Variants in ADGRL3 observed in about 807,000 individuals in gnomAD.
ADGRL3 encodes calcium-independent alpha-latrotoxin receptor 3.
ADGRL3 carries 62 observed loss-of-function variants against 153.5 expected under a neutral mutation model. That is an observed-to-expected ratio of 0.40 (90% CI 0.33 to 0.50). The LOEUF (loss-of-function observed/expected upper bound fraction) is 0.50. Among genes scored for constraint, ADGRL3 ranks in the 20% least tolerant of loss-of-function variants. The pLI is 0.47. For synonymous variants in ADGRL3, 710 were observed against 672.5 expected, an observed-to-expected ratio of 1.06 and a Z score of -0.86; for missense variants, 1,641 against 1,859.4, an observed-to-expected ratio of 0.88 and a Z score of 2.16.
At chr4:61,832,172 G>A (rs2097879197) in intron 9 of ADGRL3, among the ~76,000 whole-genome samples, 1 of 152,122 alleles carries the variant, frequency 6.6e-6, no homozygotes, top group Non-Finnish European at 1.5e-5. Flanking sequence ...TATGAGACTT[G>A]GAGAGGGGCC....
intron 4 of ADGRL3, among the ~76,000 whole-genome samples, chr4:61,550,244 G>A (rs974739783): frequency 1.3e-5 from 2 of 150,608 alleles, no homozygotes; most frequent in African/African-American, 5.0e-5. Flanking sequence ...ATCCAGTTGA[G>A]GTCAAGAACA....
At chr4:61,996,436 T>C in intron 20 of ADGRL3, 79 bp downstream of exon 20, 1 of 964,236 alleles carries the variant, frequency 1.0e-6, no homozygotes, top group African/African-American at 1.6e-5. Flanking sequence ...CTGTCTTTAA[T>C]TTACAGAGGT....
intron 25 of ADGRL3, among the ~76,000 whole-genome samples, chr4:62,056,034 A>G (rs921382405): frequency 2.6e-5 from 4 of 151,682 alleles, no homozygotes; most frequent in African/African-American, 7.2e-5. Context: ...ACGTTGAAAC[A>G]TTTTTTGAGG....
At chr4:61,282,850 C>T (rs2093780437) in intron 1 of ADGRL3, among the ~76,000 whole-genome samples, 1 of 152,018 alleles carries the variant, frequency 6.6e-6, no homozygotes, top group African/African-American at 2.4e-5. Flanking sequence ...AAATAAATTT[C>T]AGTTAAACAG....
intron 1 of ADGRL3, among the ~76,000 whole-genome samples, chr4:61,358,888 T>A (rs927549272): frequency 2.0e-5 from 3 of 152,186 alleles, no homozygotes; most frequent in African/African-American, 7.2e-5. Flanking sequence ...AGCCCAAATG[T>A]TCCACTCTAG....
intron 6 of ADGRL3, among the ~76,000 whole-genome samples, chr4:61,720,929 T>G (rs1456385408): frequency 6.6e-6 from 1 of 152,220 alleles, no homozygotes; most frequent in Non-Finnish European, 1.5e-5. Context: ...ACTAGTTATA[T>G]GAGTCTTCTA....
intron 9 of ADGRL3, among the ~76,000 whole-genome samples, chr4:61,850,383 A>G (rs1248005792): frequency 6.6e-6 from 1 of 152,136 alleles, no homozygotes; most frequent in Non-Finnish European, 1.5e-5. Flanking sequence ...CTAATTTTAA[A>G]TGCTATTATT....
At chr4:61,399,152 T>A (rs2152095193) in intron 2 of ADGRL3, among the ~76,000 whole-genome samples, 1 of 151,866 alleles carries the variant, frequency 6.6e-6, no homozygotes, top group African/African-American at 2.4e-5. Flanking sequence ...AAATTATTAT[T>A]TATTCTGCTG....
chr4:62,011,258 A>G (rs2099185120), intron 21 of ADGRL3, among the ~76,000 whole-genome samples: 1 of 152,174 alleles, frequency 6.6e-6, no homozygotes, highest in Non-Finnish European at 1.5e-5. Context: ...ACATGTTATG[A>G]GAGCTTTCGG....
chr4:61,996,158 C>T, intron 19 of ADGRL3, 133 bp from the exon 20 acceptor site: 1 of 627,518 alleles, frequency 1.6e-6, no homozygotes, highest in Non-Finnish European at 2.9e-6. Context: ...TTTAAATGAA[C>T]AAGCAATGTA....
intron 1 of ADGRL3, among the ~76,000 whole-genome samples, chr4:61,224,567 T>G (rs930296503): frequency 6.6e-6 from 1 of 152,174 alleles, no homozygotes; most frequent in Non-Finnish European, 1.5e-5. Flanking sequence ...GAAGTGTGTG[T>G]GTAGGGGATG....
chr4:61,294,041 C>A (rs747264640), intron 1 of ADGRL3, among the ~76,000 whole-genome samples: 18 of 152,156 alleles, frequency 1.2e-4, no homozygotes, highest in Non-Finnish European at 2.5e-4. Flanking sequence ...AAAATGATTT[C>A]TGACTTTATA....
intron 17 of ADGRL3, among the ~76,000 whole-genome samples, chr4:61,953,606 C>G (rs2098955467): frequency 6.6e-6 from 1 of 152,048 alleles, no homozygotes; most frequent in Non-Finnish European, 1.5e-5. Flanking sequence ...TTCAGGCACT[C>G]AAAAAACTCA....
intron 2 of ADGRL3, among the ~76,000 whole-genome samples, chr4:61,386,112 A>G (rs1442824848): frequency 6.6e-6 from 1 of 152,184 alleles, no homozygotes; most frequent in Non-Finnish European, 1.5e-5. Flanking sequence ...TGGAATTACT[A>G]TCATTTTTAA....
intron 21 of ADGRL3, among the ~76,000 whole-genome samples, chr4:62,003,419 T>C (rs1373058068): frequency 1.3e-5 from 2 of 152,060 alleles, no homozygotes; most frequent in South Asian, 2.1e-4. Context: ...ATAACTTGAG[T>C]GTCAAACCCA....
Position 61,756,562 on chromosome 4 carries a change from T to A in ADGRL3, c.1399+23008T>A, listed in dbSNP as rs148861118. Among the ~76,000 whole-genome samples the A allele has an allele frequency of 9.3e-3, 1,423 of 152,240 alleles. 27 individuals carry two copies. The highest frequency in any genetic ancestry group is 0.032 in the African/African-American group (1,347 of 41,538). ...TCTAGATATATAATCATATCATCTG[T>A]AAACAGGGACAATTTCACTTCCTCT... On this transcript the variant is annotated intron_variant, in intron 8 of 26. Transcript: ENST00000683033.
At chr4:62,008,609 T>G (rs1359716003) in intron 21 of ADGRL3, among the ~76,000 whole-genome samples, 1 of 151,770 alleles carries the variant, frequency 6.6e-6, no homozygotes, top group Non-Finnish European at 1.5e-5. Flanking sequence ...ATAACATTAT[T>G]ATGAAGTTGT....
At chr4:61,675,997 C>T (rs1416218360) in intron 5 of ADGRL3, among the ~76,000 whole-genome samples, 1 of 151,774 alleles carries the variant, frequency 6.6e-6, no homozygotes, top group Admixed American at 6.6e-5. Flanking sequence ...TCTTTCTACC[C>T]TACAGCTCCA....
At chr4:61,964,068 C>A (rs780840057) in intron 17 of ADGRL3, among the ~76,000 whole-genome samples, 53 of 152,190 alleles carry the variant, frequency 3.5e-4, no homozygotes, top group Middle Eastern at 3.4e-3. Context: ...CTTTATTTCC[C>A]AAGTTTATAA....
Sources: allele counts gnomAD v4.1 joint callset (sites outside exome capture counted in the v4.1 genomes callset), GRCh38; gene constraint gnomAD v4.1.1; transcripts MANE v1.5; gene names NCBI Gene and HGNC (gene_info 2026-07-23, HGNC 2026-07-21).